Variants in SUMF1 observed in about 807,000 individuals in gnomAD.
SUMF1 encodes the protein formylglycine-generating enzyme.
SUMF1 carries 48 observed loss-of-function variants against 47.6 expected under a neutral mutation model. The ratio of observed to expected loss-of-function variants is 1.01; its 90% CI spans 0.80 to 1.28. SUMF1 has a LOEUF of 1.28. Among genes scored for constraint, SUMF1 ranks in the 50% most tolerant of loss-of-function variants. SUMF1 has a pLI of 0.00. For synonymous variants in SUMF1, 230 were observed against 192.1 expected, an observed-to-expected ratio of 1.20 and a Z score of -1.63; for missense variants, 571 against 485.4, an observed-to-expected ratio of 1.18 and a Z score of -1.66.
At chr3:4,366,990 C>G (rs940096828) in intron 8 of SUMF1, among the ~76,000 whole-genome samples, 12 of 152,130 alleles carry the variant, frequency 7.9e-5, no homozygotes, top group Non-Finnish European at 1.6e-4. Flanking sequence ...CACTCCAGAC[C>G]CTGTTTGCCT....
At chr3:4,281,721 G>T (rs1264465354) in intron 8 of SUMF1, among the ~76,000 whole-genome samples, 1 of 151,948 alleles carries the variant, frequency 6.6e-6, no homozygotes, top group Non-Finnish European at 1.5e-5. Context: ...ATAAATATAT[G>T]TATTTACATG....
chr3:4,325,170 A>C (rs1317658650), intron 8 of SUMF1, among the ~76,000 whole-genome samples: 1 of 152,172 alleles, frequency 6.6e-6, no homozygotes. Flanking sequence ...GGGTGCTAAA[A>C]TTCAAAATGA....
chr3:4,070,894 G>C (rs894796360), intron 8 of SUMF1, among the ~76,000 whole-genome samples: 1 of 152,086 alleles, frequency 6.6e-6, no homozygotes. Flanking sequence ...GCCTCCCAAA[G>C]TGCTGGGATT....
At chr3:4,158,918 C>CT (rs1429535265) in intron 8 of SUMF1, among the ~76,000 whole-genome samples, 2 of 151,374 alleles carry the variant, frequency 1.3e-5, no homozygotes, top group Non-Finnish European at 2.9e-5. Context: ...CGTTGAGTCT[C>CT]TTTTTTTATC....
Position 4,153,534 on chromosome 3 carries a change from T to A in SUMF1, c.1015-84789A>T, listed in dbSNP as rs1204927664. On this transcript the variant is annotated intron_variant and NMD_transcript_variant, in intron 8 of 12. Transcript: ENST00000448413. The stretch of plus-strand genomic sequence containing the variant: ...CCCCGCCTTGTAGGTTTTTTTTTTT[T>A]TTACTGTATTTCCAGTTTTTCCACT... 1.3e-4 allele frequency among the ~76,000 whole-genome samples: 20 copies of A among 150,862 alleles called. No homozygotes were observed. In the East Asian group the frequency reaches 3.9e-3, roughly 29 times the overall value.
intron 9 of SUMF1, among the ~76,000 whole-genome samples, chr3:4,067,107 G>C (rs1052566731): frequency 1.3e-5 from 2 of 152,160 alleles, no homozygotes; most frequent in African/African-American, 4.8e-5. Context: ...AAGGAGCTCA[G>C]AATGGCCAGA....
chr3:4,452,423 T>C (rs1393927167), intron 2 of SUMF1, among the ~76,000 whole-genome samples: 2 of 152,242 alleles, frequency 1.3e-5, no homozygotes, highest in Non-Finnish European at 2.9e-5. Flanking sequence ...CTTCTGCATT[T>C]ATCACTTAAA....
intron 8 of SUMF1, among the ~76,000 whole-genome samples, chr3:4,340,055 G>A (rs1477484462): frequency 6.6e-6 from 1 of 152,030 alleles, no homozygotes; most frequent in East Asian, 1.9e-4. Context: ...TCCAGCCTGG[G>A]CAACAGAGTG....
chr3:4,205,648 C>G (rs183341547), intron 8 of SUMF1, among the ~76,000 whole-genome samples: 1 of 152,286 alleles, frequency 6.6e-6, no homozygotes, highest in East Asian at 1.9e-4. Flanking sequence ...TGGGGGCAAC[C>G]CAAGTCCAGT....
At chr3:4,296,336 A>T (rs1697850319) in intron 8 of SUMF1, among the ~76,000 whole-genome samples, 1 of 151,292 alleles carries the variant, frequency 6.6e-6, no homozygotes, top group South Asian at 2.1e-4. Flanking sequence ...CCCATCTTTT[A>T]AAGTGAACAA....
At chr3:4,163,117 G>A (rs1296267997) in intron 8 of SUMF1, among the ~76,000 whole-genome samples, 1 of 129,396 alleles carries the variant, frequency 7.7e-6, no homozygotes, top group African/African-American at 3.0e-5. Flanking sequence ...CTAAGCAGCA[G>A]CCTGAAAAAA....
chr3:4,142,653 T>C (rs760833180), intron 8 of SUMF1, among the ~76,000 whole-genome samples: 20 of 151,992 alleles, frequency 1.3e-4, no homozygotes, highest in Non-Finnish European at 2.5e-4. Context: ...GTTTGAAAAA[T>C]AGGTACCTTG....
intron 8 of SUMF1, among the ~76,000 whole-genome samples, chr3:4,281,521 GGCCACACAC>G (rs1697528885): frequency 6.6e-6 from 1 of 152,006 alleles, no homozygotes; most frequent in Non-Finnish European, 1.5e-5. Context: ...TTTAATCCAA[GGCCACACAC>G]TTAATAAGTA....
chr3:4,125,070 T>G (rs994568620), intron 8 of SUMF1, among the ~76,000 whole-genome samples: 16 of 152,158 alleles, frequency 1.1e-4, no homozygotes, highest in Non-Finnish European at 1.6e-4. Context: ...GTAAAGCAGT[T>G]TTATGTTTCT....
chr3:4,425,792 T>G (rs1209895819), intron 3 of SUMF1, among the ~76,000 whole-genome samples: 1 of 152,180 alleles, frequency 6.6e-6, no homozygotes, highest in Non-Finnish European at 1.5e-5. Context: ...GGAAAGAAGT[T>G]TAATTGTCTC....
intron 8 of SUMF1, among the ~76,000 whole-genome samples, chr3:4,147,818 A>G (rs1211740430): frequency 6.6e-6 from 1 of 152,128 alleles, no homozygotes. Context: ...GGAGATGGAA[A>G]TAGTCCTATA....
Position 4,050,748 on chromosome 3 carries a change from CAA to C in SUMF1, c.1191+17819_1191+17820del, listed in dbSNP as rs34228101. ...GGGCAACCAGAGTGAGACCCTGTCT[CAA>C]AAAAAAAAAAAAAAAAGAAAGAAAA... On this transcript the variant is annotated intron_variant and NMD_transcript_variant, in intron 9 of 12. Coordinates refer to the SUMF1 transcript ENST00000448413. Among the ~76,000 whole-genome samples, 433 of 86,956 alleles carry C rather than the reference CAA, an allele frequency of 5.0e-3. 1 individual carries two copies. Among genetic ancestry groups the C allele is most frequent in the African/African-American group, 0.017 (407 of 24,112 alleles). The allele number at this position is 86,956 out of a possible 152,430, so 57.0% of individuals were successfully genotyped here. A position where few individuals can be genotyped will look rare whatever the true frequency, so the allele number is the denominator to read the frequency against.
At chr3:4,258,273 A>G (rs919524991) in intron 8 of SUMF1, among the ~76,000 whole-genome samples, 19 of 148,280 alleles carry the variant, frequency 1.3e-4, no homozygotes, top group African/African-American at 4.9e-4. Context: ...GGATCTAATT[A>G]AACTAAAGAG....
chr3:4,226,189 G>A (rs1042430714), intron 8 of SUMF1, among the ~76,000 whole-genome samples: 2 of 150,746 alleles, frequency 1.3e-5, no homozygotes, highest in Non-Finnish European at 3.0e-5. Flanking sequence ...AGCTTCAACA[G>A]TGTTTAGACA....
Sources: allele counts gnomAD v4.1 joint callset (sites outside exome capture counted in the v4.1 genomes callset), GRCh38; gene constraint gnomAD v4.1.1; transcripts MANE v1.5; gene names NCBI Gene and HGNC (gene_info 2026-07-23, HGNC 2026-07-21).